C10orf53: variants seen among roughly 807,000 people sequenced by gnomAD.
The protein encoded by C10orf53 is UPF0728 protein C10orf53.
Under a neutral mutation model 9.4 loss-of-function variants are expected in C10orf53, and 8 were observed. The observed-to-expected ratio is 0.85, with a 90% CI of 0.50 to 1.53. The LOEUF (loss-of-function observed/expected upper bound fraction) is 1.53, where lower values mean the gene tolerates loss of function less well. Among genes scored for constraint, C10orf53 ranks in the 40% most tolerant of loss-of-function variants. The pLI is 0.00. For missense variants in C10orf53, 117 were observed against 117.8 expected, an observed-to-expected ratio of 0.99 and a Z score of 0.03; for synonymous variants, 48 against 46.0, an observed-to-expected ratio of 1.04 and a Z score of -0.18.
Position 49,696,503 on chromosome 10 carries a change from C to T in C10orf53, c.*1901C>T, listed in dbSNP as rs1324995800. Among the ~76,000 whole-genome samples the T allele has an allele frequency of 3.9e-5, 6 of 152,188 alleles. No homozygotes were observed. Among genetic ancestry groups the T allele is most frequent in the Admixed American group, 2.0e-4 (3 of 15,280 alleles). ...CAGCCCCATGCCCTCCTCCAGCATC[C>T]GCCTCAACCCCGCAGGTTGTATTTG... On this transcript the variant is annotated 3_prime_UTR_variant, in exon 3 of 3. Coordinates refer to ENST00000374111, the MANE Select transcript of C10orf53 (RefSeq NM_001042427.3).
At chr10:49,679,911 T>C in intron 1 of C10orf53, 117 bp downstream of exon 1, 1 of 952,128 alleles carries the variant, frequency 1.1e-6, no homozygotes, top group Non-Finnish European at 1.5e-6. Context: ...CTCCAGGAAG[T>C]CTTCCCCAGG....
At chr10:49,692,702 T>C (rs527434291) in intron 1 of C10orf53, among the ~76,000 whole-genome samples, 8 of 152,302 alleles carry the variant, frequency 5.3e-5, no homozygotes, top group East Asian at 1.9e-4. Context: ...GAGAAATACA[T>C]TGGAAAAAAT....
chr10:49,704,833 T>G (rs896712484), intron 2 of C10orf53, among the ~76,000 whole-genome samples: 2 of 152,230 alleles, frequency 1.3e-5, no homozygotes, highest in African/African-American at 2.4e-5. Flanking sequence ...CACTTGTGCT[T>G]GATAGAGGCA....
rs182359324 is a variant in C10orf53, at chr10:49,683,104, C to G, written c.97+3310C>G. 1.8e-3 allele frequency among the ~76,000 whole-genome samples: 277 copies of G among 152,294 alleles called. 3 individuals carry two copies. The highest frequency in any genetic ancestry group is 6.0e-3 in the African/African-American group (249 of 41,558). Reference sequence around the variant, plus strand: ...GAAATTGCTGAGTCATATGGTAATTCTATATTTAACTTTTTGAGGAATGAC... The same window carrying G: ...GAAATTGCTGAGTCATATGGTAATTGTATATTTAACTTTTTGAGGAATGAC... On this transcript the variant is annotated intron_variant, in intron 1 of 2. Coordinates refer to ENST00000374111, the MANE Select transcript of C10orf53 (RefSeq NM_001042427.3).
intron 2 of C10orf53, chr10:49,708,296 G>A (rs1350724147): frequency 4.4e-6 from 7 of 1,578,924 alleles, no homozygotes; most frequent in East Asian, 4.5e-5. Context: ...GTGTTCAGTC[G>A]ACAACAGCAG....
chr10:49,689,413 C>T (rs893383618), intron 1 of C10orf53, among the ~76,000 whole-genome samples: 2 of 152,110 alleles, frequency 1.3e-5, no homozygotes, highest in African/African-American at 4.8e-5. Flanking sequence ...TTACCCTCGG[C>T]GGGAGAGTAA....
chr10:49,706,756 G>A (rs1046376229), intron 2 of C10orf53, among the ~76,000 whole-genome samples: 1 of 152,150 alleles, frequency 6.6e-6, no homozygotes, highest in African/African-American at 2.4e-5. Context: ...ACCAAAAAAC[G>A]TCAGTTGCCT....
At chr10:49,707,521 G>C (rs1840731215) in intron 2 of C10orf53, among the ~76,000 whole-genome samples, 1 of 152,186 alleles carries the variant, frequency 6.6e-6, no homozygotes, top group African/African-American at 2.4e-5. Flanking sequence ...TTAGGCAACA[G>C]CCTAAATAAC....
At chr10:49,679,932 A>C (rs1214581590) in intron 1 of C10orf53, 138 bp downstream of exon 1, 1 of 778,652 alleles carries the variant, frequency 1.3e-6, no homozygotes, top group East Asian at 3.3e-5. Context: ...ATGATGTTGC[A>C]ACCTATGGCT....
chr10:49,699,190 C>CTTTTTTAT (rs1840661376), downstream of C10orf53, among the ~76,000 whole-genome samples: 1 of 64,872 alleles, frequency 1.5e-5, no homozygotes, highest in Non-Finnish European at 2.5e-5. Flanking sequence ...GTGGCTCAAT[C>CTTTTTTAT]TTTTTTTTTT....
downstream of C10orf53, among the ~76,000 whole-genome samples, chr10:49,697,851 A>AATTTCCCT (rs1840649537): frequency 6.6e-6 from 1 of 152,144 alleles, no homozygotes; most frequent in Admixed American, 6.5e-5. Context: ...CCTGGCCCTT[A>AATTTCCCT]ATTATCTTTA....
intron 1 of C10orf53, among the ~76,000 whole-genome samples, chr10:49,686,229 TTA>T (rs1450605548): frequency 6.6e-6 from 1 of 152,236 alleles, no homozygotes; most frequent in Non-Finnish European, 1.5e-5. Flanking sequence ...TCATGGACAT[TTA>T]TCACTTCCCC....
intron 1 of C10orf53, among the ~76,000 whole-genome samples, chr10:49,683,770 C>T (rs1321307108): frequency 1.3e-5 from 2 of 152,076 alleles, no homozygotes; most frequent in Non-Finnish European, 2.9e-5. Flanking sequence ...ATGGCACGCA[C>T]CTGTAGTCCC....
At chr10:49,697,740 C>A (rs993170126), downstream of C10orf53, among the ~76,000 whole-genome samples, 1 of 152,038 alleles carries the variant, frequency 6.6e-6, no homozygotes, top group Admixed American at 6.6e-5. Flanking sequence ...TTAGTAAAGA[C>A]GGGCTTTCTC....
chr10:49,693,646 G>A, intron 1 of C10orf53, 128 bp from the exon 2 acceptor site: 1 of 1,178,868 alleles, frequency 8.5e-7, no homozygotes, highest in Non-Finnish European at 1.2e-6. Flanking sequence ...GTGCCTACCA[G>A]GGCAGTTGAG....
chr10:49,700,422 G>A (rs1840673441), downstream of C10orf53, among the ~76,000 whole-genome samples: 2 of 152,208 alleles, frequency 1.3e-5, no homozygotes, highest in Non-Finnish European at 1.5e-5. Context: ...TCTGGGAAGT[G>A]CTAGGAAGGT....
At chr10:49,693,678 T>C (rs1840605486) in intron 1 of C10orf53, 96 bp from the exon 2 acceptor site, 1 of 1,429,970 alleles carries the variant, frequency 7.0e-7, no homozygotes, top group African/African-American at 1.4e-5. Context: ...AGCAACTAGA[T>C]GGCAGACAAG....
At chr10:49,693,998 T>C (rs1224800827) in intron 2 of C10orf53, 105 bp downstream of exon 2, 2 of 1,529,344 alleles carry the variant, frequency 1.3e-6, no homozygotes, top group Non-Finnish European at 1.8e-6. Flanking sequence ...TCAAATTGGG[T>C]TTCTTTCTGA....
At chr10:49,694,351 G>A (rs1840613964) in intron 2 of C10orf53, 187 bp from the exon 3 acceptor site, 4 of 795,410 alleles carry the variant, frequency 5.0e-6, no homozygotes, top group Non-Finnish European at 5.9e-6. Context: ...GGCTGGCACT[G>A]TGCGTGCCTC....
Sources: gnomAD v4.1 joint callset for allele counts (sites outside exome capture counted in the v4.1 genomes callset) on GRCh38, gnomAD v4.1.1 for gene constraint, MANE v1.5 for transcripts, NCBI Gene and HGNC (gene_info 2026-07-23, HGNC 2026-07-21) for gene names.